CACUL1: variants seen among roughly 807,000 people sequenced by gnomAD.
The protein encoded by CACUL1 is CDK2 associated cullin domain 1.
Under a neutral mutation model 45.2 loss-of-function variants are expected in CACUL1, and 13 were observed. The observed-to-expected ratio is 0.29, with a 90% CI of 0.19 to 0.46. The LOEUF (loss-of-function observed/expected upper bound fraction) is 0.46, where lower values mean the gene tolerates loss of function less well. CACUL1 is among the 20% of genes least tolerant of loss of function. The probability of loss-of-function intolerance (pLI) is 1.00; values close to 1 mark genes in which losing one functional copy is unlikely to be tolerated. For synonymous variants in CACUL1, 197 were observed against 174.2 expected, an observed-to-expected ratio of 1.13 and a Z score of -1.03; for missense variants, 421 against 471.4, an observed-to-expected ratio of 0.89 and a Z score of 0.99.
At chr10:118,691,136 T>TA in intron 7 of CACUL1, 129 bp downstream of exon 7, 4 of 763,678 alleles carry the variant, frequency 5.2e-6, no homozygotes, top group Non-Finnish European at 8.6e-6. Flanking sequence ...GCTAATGTCT[T>TA]CTTGCAGCAG....
chr10:118,692,336 G>T (rs1845280031), intron 6 of CACUL1: 1 of 151,930 alleles, frequency 6.6e-6, no homozygotes, highest in African/African-American at 2.4e-5. Flanking sequence ...AGGCAAAGAA[G>T]TCACAAGAAA....
Position 118,683,498 on chromosome 10 carries a change from T to A in CACUL1, c.*2630A>T, listed in dbSNP as rs981170233. 6.6e-6 allele frequency: 1 copy of A among 151,324 alleles called. No homozygotes were observed. Among genetic ancestry groups the A allele is most frequent in the Admixed American group, 6.6e-5 (1 of 15,188 alleles). The allele number at this position is 151,324 out of a possible 1,614,324, so 9.4% of individuals were successfully genotyped here. On this transcript the variant is annotated 3_prime_UTR_variant, in exon 9 of 9. Transcript: ENST00000369151. ...TGAGGTCAGGAGTTCAAGACCAGCC[T>A]GACCAACATGGTGAAACCCCGTCTC...
intron 8 of CACUL1, 120 bp downstream of exon 8, chr10:118,686,478 G>T: frequency 2.4e-6 from 2 of 824,136 alleles, no homozygotes; most frequent in South Asian, 1.5e-5. Context: ...TTGATTACAA[G>T]CAGTGCCTTA....
intron 3 of CACUL1, among the ~76,000 whole-genome samples, chr10:118,723,907 G>C (rs1213730829): frequency 6.6e-6 from 1 of 151,240 alleles, no homozygotes; most frequent in Non-Finnish European, 1.5e-5. Flanking sequence ...TGAGATTATA[G>C]GCGCCCACCA....
intron 4 of CACUL1, 54 bp from the exon 5 acceptor site, chr10:118,701,462 CTAAT>C: frequency 1.0e-6 from 1 of 959,540 alleles, no homozygotes; most frequent in Non-Finnish European, 1.6e-6. Context: ...AATGATTAGT[CTAAT>C]GAACTGGAGC....
intron 3 of CACUL1, among the ~76,000 whole-genome samples, chr10:118,712,436 C>T (rs114615875): frequency 1.4e-4 from 22 of 152,370 alleles, no homozygotes; most frequent in African/African-American, 3.1e-4. Flanking sequence ...TCTCTTCACC[C>T]GCAATGTGGC....
At chr10:118,731,899 T>A (rs1391165031) in intron 1 of CACUL1, among the ~76,000 whole-genome samples, 1 of 152,170 alleles carries the variant, frequency 6.6e-6, no homozygotes, top group African/African-American at 2.4e-5. Flanking sequence ...TGAACCGAAT[T>A]ACAAATGAAT....
rs2119529721 is a variant in CACUL1 at position 118,681,761 on chromosome 10, C to T, written c.*4367G>A. ...AGAAACAGTACACATATTCATGCCACTCGGCTCTGAAAAGAGGTTCAAGGT... is the reference window on the plus strand; with the variant it reads ...AGAAACAGTACACATATTCATGCCATTCGGCTCTGAAAAGAGGTTCAAGGT... On this transcript the variant is annotated 3_prime_UTR_variant, in exon 9 of 9. Transcript: ENST00000369151. The T allele has an allele frequency of 6.6e-6, 1 of 152,388 alleles. No individual in the cohort carries two copies. Among genetic ancestry groups the T allele is most frequent in the South Asian group, 2.1e-4 (1 of 4,826 alleles). 9.4% of individuals were successfully genotyped at this position (152,388 alleles called of 1,614,324 possible).
chr10:118,735,804 T>TAA (rs1845734828), intron 1 of CACUL1, among the ~76,000 whole-genome samples: 1 of 152,136 alleles, frequency 6.6e-6, no homozygotes, highest in African/African-American at 2.4e-5. Flanking sequence ...ATAGACTCTT[T>TAA]AAGAATGTAG....
chr10:118,726,501 A>C, intron 3 of CACUL1: 1 of 351,122 alleles, frequency 2.8e-6, no homozygotes. Context: ...TAACACAATC[A>C]CTGCCCTAAT....
rs1012345526 is a variant in CACUL1 at position 118,717,484 on chromosome 10, A to G, written c.598-9897T>C. Among the ~76,000 whole-genome samples the G allele has an allele frequency of 2.0e-5, 3 of 152,176 alleles. No individual in the cohort carries two copies. In the East Asian group the frequency reaches 5.8e-4, roughly 29 times the overall value. On this transcript the variant is annotated intron_variant, in intron 3 of 8. Transcript: ENST00000369151. ...GTGAAAGAACATCACTCCCACTCTT[A>G]TGGTAAGAAAAAGCTGGTTAACCAA...
chr10:118,718,522 C>A (rs1845568611), intron 3 of CACUL1, among the ~76,000 whole-genome samples: 1 of 152,200 alleles, frequency 6.6e-6, no homozygotes, highest in African/African-American at 2.4e-5. Context: ...GAGTTAAGCA[C>A]AGGAGCTAGA....
At chr10:118,723,362 C>T (rs1339232591) in intron 3 of CACUL1, among the ~76,000 whole-genome samples, 2 of 152,116 alleles carry the variant, frequency 1.3e-5, no homozygotes, top group East Asian at 3.9e-4. Context: ...ACCTTCACTC[C>T]TCCCTTCAAA....
At chr10:118,710,831 T>A (rs921495320) in intron 3 of CACUL1, among the ~76,000 whole-genome samples, 2 of 152,246 alleles carry the variant, frequency 1.3e-5, no homozygotes, top group Non-Finnish European at 2.9e-5. Flanking sequence ...TAATTTAGCA[T>A]TATTTAAATC....
chr10:118,736,786 G>C (rs181241470), intron 1 of CACUL1, among the ~76,000 whole-genome samples: 1 of 152,200 alleles, frequency 6.6e-6, no homozygotes, highest in Admixed American at 6.5e-5. Context: ...CATGATAGGT[G>C]CCCTATACAC....
At chr10:118,724,953 G>A (rs1845638646) in intron 3 of CACUL1, among the ~76,000 whole-genome samples, 1 of 152,148 alleles carries the variant, frequency 6.6e-6, no homozygotes. Flanking sequence ...CCTAATGTTA[G>A]GGTCCTGGTC....
chr10:118,754,601 C>A lies in CACUL1; in HGVS notation c.162G>T (p.Gly54=), dbSNP rs541658421. The A allele has an allele frequency of 9.9e-6, 16 of 1,608,836 alleles. No homozygotes were observed. Among genetic ancestry groups the A allele is most frequent in the African/African-American group, 2.7e-5 (2 of 74,592 alleles). Residue 54 remains glycine, a synonymous_variant, in exon 1 of 9, where the codon GGG becomes GGT. Transcript: ENST00000369151. ...CCGCGGGCACCGCCAGCAGCTGCCC[C>A]CCCGGAGGCTCTCGGGCAGGGGCCG... is the stretch of plus-strand genomic sequence containing the variant. ...SIPAPAREPP[G]GQLLAVPAVS...
chr10:118,751,521 G>A (rs1422448696), intron 1 of CACUL1, among the ~76,000 whole-genome samples: 1 of 152,070 alleles, frequency 6.6e-6, no homozygotes, highest in African/African-American at 2.4e-5. Flanking sequence ...TTTTATACAT[G>A]TATCCAGGTA....
chr10:118,701,184 G>C, intron 5 of CACUL1, 122 bp downstream of exon 5: 1 of 508,368 alleles, frequency 2.0e-6, no homozygotes, highest in South Asian at 4.0e-5. Flanking sequence ...AACACTTCCT[G>C]CTATCTGGTT....
Sources: gnomAD v4.1 joint callset for allele counts (sites outside exome capture counted in the v4.1 genomes callset) on GRCh38, gnomAD v4.1.1 for gene constraint, MANE v1.5 for transcripts, NCBI Gene and HGNC (gene_info 2026-07-23, HGNC 2026-07-21) for gene names.